Variants in SOX6 observed in about 807,000 individuals in gnomAD.
SOX6 encodes SRY-box transcription factor 6.
A neutral mutation model predicts 97.8 loss-of-function variants in SOX6; 11 were observed. The observed-to-expected ratio is 0.11, with a 90% CI of 0.07 to 0.19. SOX6 has a LOEUF of 0.19. Ranked by LOEUF, SOX6 falls within the 10% of genes least tolerant of loss-of-function variation. SOX6 has a pLI of 1.00. For missense variants in SOX6, 810 were observed against 1,039.5 expected (o/e 0.78, Z 3.04); for synonymous variants, 360 against 371.4 (o/e 0.97, Z 0.35).
intron 6 of SOX6, among the ~76,000 whole-genome samples, chr11:16,134,728 T>C (rs749962694): frequency 1.3e-5 from 2 of 152,200 alleles, no homozygotes; most frequent in African/African-American, 4.8e-5. Flanking sequence ...AGAGTAAATA[T>C]TGCATGCGTT....
intron 15 of SOX6, among the ~76,000 whole-genome samples, chr11:15,981,616 C>A (rs1192700084): frequency 6.6e-6 from 1 of 152,000 alleles, no homozygotes; most frequent in Non-Finnish European, 1.5e-5. Context: ...ATTGAATGTT[C>A]TAATCCAGGG....
intron 3 of SOX6, among the ~76,000 whole-genome samples, chr11:16,704,464 G>A (rs1848117069): frequency 6.6e-6 from 1 of 152,008 alleles, no homozygotes; most frequent in South Asian, 2.1e-4. Flanking sequence ...TTTGTATCAG[G>A]GACTTTGGTA....
chr11:15,999,097 T>C (rs1389787501), intron 13 of SOX6, among the ~76,000 whole-genome samples: 1 of 152,052 alleles, frequency 6.6e-6, no homozygotes, highest in Non-Finnish European at 1.5e-5. Context: ...TAGACTTAAA[T>C]GAACATTTTA....
chr11:16,508,678 T>C (rs1860830864), intron 4 of SOX6, among the ~76,000 whole-genome samples: 1 of 151,882 alleles, frequency 6.6e-6, no homozygotes, highest in Admixed American at 6.6e-5. Context: ...AGGTTAGGAA[T>C]GATGTGTGGG....
At chr11:16,341,905 A>G (rs890974528) in intron 1 of SOX6, among the ~76,000 whole-genome samples, 13 of 152,038 alleles carry the variant, frequency 8.6e-5, no homozygotes, top group African/African-American at 2.9e-4. Context: ...CTTTTAAGTG[A>G]CATATTGATT....
intron 1 of SOX6, among the ~76,000 whole-genome samples, chr11:16,365,438 A>T (rs1176846289): frequency 6.6e-6 from 1 of 152,062 alleles, no homozygotes; most frequent in East Asian, 1.9e-4. Flanking sequence ...TGCACCATGT[A>T]AACAATTTTA....
chr11:16,312,587 G>A (rs975601417), intron 3 of SOX6: 12 of 152,128 alleles, frequency 7.9e-5, no homozygotes, highest in African/African-American at 2.2e-4. Context: ...TTTAAATCAC[G>A]ACAACAACCA....
At chr11:16,440,669 T>C (rs1363429339) in intron 1 of SOX6, among the ~76,000 whole-genome samples, 1 of 152,182 alleles carries the variant, frequency 6.6e-6, no homozygotes, top group African/African-American at 2.4e-5. Flanking sequence ...CAAGTCCATT[T>C]CTTTTTGCCC....
chr11:16,357,862 G>A (rs1214653953), upstream of SOX6, among the ~76,000 whole-genome samples: 1 of 152,140 alleles, frequency 6.6e-6, no homozygotes, highest in Non-Finnish European at 1.5e-5. Flanking sequence ...ATGCTGAAGT[G>A]TGCCCATAGG....
At chr11:16,264,000 G>T in intron 3 of SOX6, among the ~76,000 whole-genome samples, 1 of 151,826 alleles carries the variant, frequency 6.6e-6, no homozygotes, top group Non-Finnish European at 1.5e-5. Flanking sequence ...TGCTCAGTAT[G>T]GTTATATCAT....
chr11:16,538,489 T>C (rs1861345284), intron 4 of SOX6, among the ~76,000 whole-genome samples: 1 of 152,128 alleles, frequency 6.6e-6, no homozygotes, highest in Non-Finnish European at 1.5e-5. Context: ...TAACCTTAAA[T>C]GTAAATGGGC....
chr11:16,606,761 C>A (rs1249471209), intron 4 of SOX6, among the ~76,000 whole-genome samples: 4 of 152,122 alleles, frequency 2.6e-5, no homozygotes, highest in Non-Finnish European at 4.4e-5. Context: ...TGCCCTTTTG[C>A]CTTAATGTCC....
intron 1 of SOX6, among the ~76,000 whole-genome samples, chr11:16,404,390 T>A (rs1414547874): frequency 6.6e-6 from 1 of 151,914 alleles, no homozygotes; most frequent in Non-Finnish European, 1.5e-5. Flanking sequence ...GCAACACTAC[T>A]GCTAAGAAGA....
At chr11:16,238,208 G>A (rs951489449) in intron 3 of SOX6, among the ~76,000 whole-genome samples, 1 of 151,872 alleles carries the variant, frequency 6.6e-6, no homozygotes, top group African/African-American at 2.4e-5. Flanking sequence ...TTTAAGCAAG[G>A]ATGTAAACGT....
chr11:16,402,713 T>C, intron 1 of SOX6: 1 of 1,610,844 alleles, frequency 6.2e-7, no homozygotes, highest in Non-Finnish European at 8.5e-7. Context: ...GACTAAACTG[T>C]AGGTATTTGT....
chr11:16,638,376 G>A (rs1335525455), intron 3 of SOX6, among the ~76,000 whole-genome samples: 1 of 152,086 alleles, frequency 6.6e-6, no homozygotes, highest in African/African-American at 2.4e-5. Flanking sequence ...ATGTGTGCAT[G>A]TGTCTTTATA....
At chr11:16,638,263 C>T (rs1335663706) in intron 3 of SOX6, among the ~76,000 whole-genome samples, 9 of 152,150 alleles carry the variant, frequency 5.9e-5, no homozygotes, top group African/African-American at 1.9e-4. Context: ...GCATAGTATT[C>T]CATGGTGTAT....
Position 16,132,497 on chromosome 11 carries a change from A to AAGCAAGCAAGCAAGC in SOX6, c.778-20575_778-20574insGCTTGCTTGCTTGCT, listed in dbSNP as rs1259620154. On this transcript the variant is annotated intron_variant, in intron 6 of 15. Coordinates refer to ENST00000683767, the MANE Select transcript of SOX6 (RefSeq NM_001367873.1). ...GAAAGAAAGAAAGAAAGAAAGAAAG[A>AAGCAAGCAAGCAAGC]AAGAAAGAAAGCTTATCTTTGTATC... 1.9e-4 allele frequency among the ~76,000 whole-genome samples: 19 copies of AAGCAAGCAAGCAAGC among 97,466 alleles called. 1 individual carries two copies. The highest frequency in any genetic ancestry group is 3.3e-4 in the South Asian group (1 of 3,054). 63.9% of individuals were successfully genotyped at this position (97,466 alleles called of 152,430 possible). A position where few individuals can be genotyped will look rare whatever the true frequency, so the allele number is the denominator to read the frequency against.
chr11:16,628,628 A>T (rs1324391911), intron 3 of SOX6, among the ~76,000 whole-genome samples: 14 of 151,968 alleles, frequency 9.2e-5, no homozygotes, highest in Admixed American at 9.2e-4. Context: ...CTCAAAAAAA[A>T]AAAAAAAGAA....
Sources: allele counts gnomAD v4.1 joint callset (sites outside exome capture counted in the v4.1 genomes callset), GRCh38; gene constraint gnomAD v4.1.1; transcripts MANE v1.5; gene names NCBI Gene and HGNC (gene_info 2026-07-23, HGNC 2026-07-21).